Variants in PES1 observed in about 807,000 individuals in gnomAD.
PES1 encodes pescadillo homolog.
In PES1, 31 loss-of-function variants were observed where a neutral mutation model predicts 77.1. That is an observed-to-expected ratio of 0.40 (90% CI 0.30 to 0.54). The LOEUF is 0.54. Ranked by LOEUF, PES1 falls within the 20% of genes least tolerant of loss-of-function variation. The pLI is 0.45. For synonymous variants in PES1, 282 were observed against 303.0 expected (o/e 0.93, Z 0.72); for missense variants, 658 against 771.7 (o/e 0.85, Z 1.75).
At chr22:30,593,616 T>C (rs1353726328), upstream of PES1, among the ~76,000 whole-genome samples, 1 of 152,200 alleles carries the variant, frequency 6.6e-6, no homozygotes, top group Non-Finnish European at 1.5e-5. Flanking sequence ...CATCTCACCC[T>C]GTCCCTCACA....
At chr22:30,601,762 TAA>T (rs908870249) in intron 2 of PES1, 2 of 151,758 alleles carry the variant, frequency 1.3e-5, no homozygotes, top group African/African-American at 4.8e-5. Context: ...CAGTTACAAA[TAA>T]AGTTATGAAC....
Position 30,576,784 on chromosome 22 carries a change from A to T in PES1, c.*262T>A, listed in dbSNP as rs2086905180. 1 of 539,148 alleles carries T rather than the reference A, an allele frequency of 1.9e-6. No homozygotes were observed. Among genetic ancestry groups the T allele is most frequent in the Non-Finnish European group, 3.3e-6 (1 of 301,418 alleles). The allele number at this position is 539,148 out of a possible 1,614,324, so 33.4% of individuals were successfully genotyped here. A position where few individuals can be genotyped will look rare whatever the true frequency, so the allele number is the denominator to read the frequency against. ...GGTAGGGGGCTGGGTGGGCCTCTGCACCTCATGTCACTGGCTCCTGGGAGC... is the reference window on the plus strand; with the variant it reads ...GGTAGGGGGCTGGGTGGGCCTCTGCTCCTCATGTCACTGGCTCCTGGGAGC... On this transcript the variant is annotated 3_prime_UTR_variant, in exon 15 of 15. Transcript: ENST00000354694.
intron 4 of PES1, 95 bp downstream of exon 4, chr22:30,587,191 G>A (rs2087103496): frequency 3.4e-6 from 3 of 879,146 alleles, no homozygotes; most frequent in Non-Finnish European, 5.5e-6. Flanking sequence ...CTTTGAGCAG[G>A]GTCTTGGTCT....
At position 30,606,637 on chromosome 22, in the gene PES1, G is replaced by A. The variant is rs560018870; in HGVS notation, c.-718+172C>T. The A allele has an allele frequency of 1.2e-3, 182 of 157,150 alleles. 2 individuals carry two copies. Among genetic ancestry groups the A allele is most frequent in the Non-Finnish European group, 1.9e-3 (140 of 72,842 alleles). The allele number at this position is 157,150 out of a possible 1,614,324, so 9.7% of individuals were successfully genotyped here. On this transcript the variant is annotated intron_variant, in intron 1 of 16. Coordinates refer to the PES1 transcript ENST00000402281. ...ATTGGTTGAGAAAAGTGGCCTGGCT[G>A]GTCTGGGGCCAGCGGCACCCACCCT...
At chr22:30,587,949 C>A in intron 3 of PES1, 72 bp downstream of exon 3, 1 of 1,507,346 alleles carries the variant, frequency 6.6e-7, no homozygotes, top group South Asian at 1.2e-5. Flanking sequence ...GCAATCTGCC[C>A]AAGGTCACAG....
chr22:30,597,898 T>A (rs1226570799), intron 2 of PES1, among the ~76,000 whole-genome samples: 2 of 141,676 alleles, frequency 1.4e-5, no homozygotes, highest in Non-Finnish European at 3.1e-5. Flanking sequence ...TTTTTTTTTG[T>A]TTTGAGTCGG....
chr22:30,601,501 C>T (rs548373138), intron 2 of PES1, among the ~76,000 whole-genome samples: 1 of 148,958 alleles, frequency 6.7e-6, no homozygotes, highest in Admixed American at 6.8e-5. Flanking sequence ...TTAATACAGA[C>T]AGGGTTTCAC....
At chr22:30,589,150 C>A (rs1304065528) in intron 2 of PES1, 41 bp downstream of exon 2, 25 of 1,486,006 alleles carry the variant, frequency 1.7e-5, no homozygotes, top group Non-Finnish European at 2.3e-5. Context: ...TTTCAATGTG[C>A]AATTCACTGC....
chr22:30,599,983 TTA>T (rs2087329803), intron 2 of PES1, among the ~76,000 whole-genome samples: 3 of 152,280 alleles, frequency 2.0e-5, no homozygotes, highest in East Asian at 3.9e-4. Context: ...TTTAAAATAT[TTA>T]TGTTAAATTA....
intron 1 of PES1, among the ~76,000 whole-genome samples, chr22:30,590,903 T>C (rs2087165228): frequency 6.6e-6 from 1 of 152,234 alleles, no homozygotes; most frequent in Admixed American, 6.5e-5. Context: ...TTTTCCATCT[T>C]GTATCTTTGC....
At chr22:30,596,422 C>A (rs1367253007), upstream of PES1, among the ~76,000 whole-genome samples, 2 of 151,384 alleles carry the variant, frequency 1.3e-5, no homozygotes, top group Non-Finnish European at 2.9e-5. Flanking sequence ...TGGGCTCAAG[C>A]AGTCCTCCTG....
intron 2 of PES1, among the ~76,000 whole-genome samples, chr22:30,602,928 T>TGTGA (rs1043361831): frequency 1.3e-5 from 2 of 151,980 alleles, no homozygotes; most frequent in South Asian, 2.1e-4. Flanking sequence ...TGTGTGTGTG[T>TGTGA]GAGAAGGAGT....
In PES1 at chr22:30,601,448, G is replaced by A. The variant is rs559722027; in HGVS notation, c.-661+4013C>T. Among the ~76,000 whole-genome samples the A allele has an allele frequency of 2.6e-5, 4 of 152,232 alleles. No individual in the cohort carries two copies. The East Asian group carries it at 5.8e-4, about 22-fold the overall frequency. On this transcript the variant is annotated intron_variant, in intron 2 of 16. Coordinates refer to the PES1 transcript ENST00000402281. The stretch of plus-strand genomic sequence containing the variant: ...TCCTGCCTCAGCCCCGAGTAGCTGG[G>A]ATTGCAGGTGTGAACCACCATGTTT...
chr22:30,593,819 G>GT (rs2087218848), upstream of PES1, among the ~76,000 whole-genome samples: 1 of 152,322 alleles, frequency 6.6e-6, no homozygotes, highest in Middle Eastern at 3.4e-3. Context: ...TCTCAGGAAA[G>GT]TAAGTGATCG....
intron 2 of PES1, among the ~76,000 whole-genome samples, chr22:30,597,871 GT>G (rs1401470116): frequency 6.9e-6 from 1 of 144,984 alleles, no homozygotes; most frequent in South Asian, 2.1e-4. Context: ...TTTCCACGCA[GT>G]TGAAGTTTTG....
Position 30,588,178 on chromosome 22 carries a change from G to A in PES1, c.105-4C>T. On this transcript the variant is annotated splice_polypyrimidine_tract_variant and splice_region_variant and intron_variant, in intron 2 of 14. Coordinates refer to ENST00000354694, the MANE Select transcript of PES1 (RefSeq NM_014303.4). ...GCCCTTCAGAATGCACAGCCGCCTG[G>A]AAGACAGAGGCCATCTGTTATGTCA... 19 of 1,614,208 alleles carry A rather than the reference G, an allele frequency of 1.2e-5. No individual in the cohort carries two copies. The highest frequency in any genetic ancestry group is 1.5e-5 in the Non-Finnish European group (18 of 1,180,044).
intron 3 of PES1, 53 bp downstream of exon 3, chr22:30,587,968 T>A: frequency 6.3e-7 from 1 of 1,577,658 alleles, no homozygotes; most frequent in Non-Finnish European, 8.7e-7. Flanking sequence ...AGTTAGTTAG[T>A]GGGTCACAGA....
intron 6 of PES1, chr22:30,584,124 CAG>C: frequency 1.8e-6 from 1 of 552,500 alleles, no homozygotes; most frequent in South Asian, 2.0e-5. Context: ...AACTGAGGCA[CAG>C]AGAGGTGAAA....
At chr22:30,598,977 A>AC (rs111992759) in intron 2 of PES1, among the ~76,000 whole-genome samples, 23,130 of 127,030 alleles carry the variant, frequency 0.18, 2,093 homozygotes, top group Middle Eastern at 0.28. Flanking sequence ...GCTCACTGCA[A>AC]CCTCCGTTTC....
Sources: gnomAD v4.1 joint callset for allele counts (sites outside exome capture counted in the v4.1 genomes callset) on GRCh38, gnomAD v4.1.1 for gene constraint, MANE v1.5 for transcripts, NCBI Gene and HGNC (gene_info 2026-07-23, HGNC 2026-07-21) for gene names.